The following JPH3 variants were observed in gnomAD, a reference collection of about 807,000 sequenced individuals.
The protein encoded by JPH3 is junctophilin-3.
Under a neutral mutation model 59.6 loss-of-function variants are expected in JPH3, and 11 were observed. The observed-to-expected ratio is 0.18, with a 90% confidence interval of 0.12 to 0.31. JPH3 has a LOEUF of 0.31. Ranked by LOEUF, JPH3 falls within the 10% of genes least tolerant of loss-of-function variation. The pLI is 1.00. For missense variants in JPH3, 1,202 were observed against 1,105.7 expected (o/e 1.09, Z -1.24); for synonymous variants, 673 against 483.6 (o/e 1.39, Z -5.14).
At chr16:87,670,950 C>A (rs1308063127) in intron 2 of JPH3, among the ~76,000 whole-genome samples, 2 of 152,118 alleles carry the variant, frequency 1.3e-5, no homozygotes, top group Non-Finnish European at 1.5e-5. Context: ...CCTGGCCCTC[C>A]CTGAATCAGT....
chr16:87,691,844 C>T (rs889409145), intron 4 of JPH3, among the ~76,000 whole-genome samples: 5 of 152,088 alleles, frequency 3.3e-5, no homozygotes, highest in African/African-American at 9.7e-5. Flanking sequence ...GAGATGTGTG[C>T]GTGGCTGTGC....
rs577219928 is a variant in JPH3, at chr16:87,625,488, C to T, written c.383-18770C>T. Reference sequence around the variant, plus strand: ...CCCTTGGTGCTGCACGGTCACTTGCCATTTTCGCAGAGGGGCCCCCTGAGC... The same window carrying T: ...CCCTTGGTGCTGCACGGTCACTTGCTATTTTCGCAGAGGGGCCCCCTGAGC... On this transcript the variant is annotated intron_variant, in intron 1 of 4. Transcript: ENST00000284262. Among the ~76,000 whole-genome samples, 13 of 152,318 alleles carry T rather than the reference C, an allele frequency of 8.5e-5. No individual in the cohort carries two copies. In the East Asian group the frequency reaches 1.3e-3, roughly 16 times the overall value.
chr16:87,619,403 C>T (rs1024848715), intron 1 of JPH3, among the ~76,000 whole-genome samples: 57 of 152,154 alleles, frequency 3.7e-4, no homozygotes, highest in Non-Finnish European at 4.1e-4. Context: ...GAGCCACCGG[C>T]TCCCCTGCAC....
At chr16:87,687,273 A>AG (rs1322982232) in intron 3 of JPH3, among the ~76,000 whole-genome samples, 1 of 152,148 alleles carries the variant, frequency 6.6e-6, no homozygotes, top group East Asian at 1.9e-4. Context: ...AGCCTCCAAG[A>AG]GGGGAACAGG....
At chr16:87,645,339 T>G (rs1023169990) in intron 2 of JPH3, among the ~76,000 whole-genome samples, 1 of 152,208 alleles carries the variant, frequency 6.6e-6, no homozygotes, top group African/African-American at 2.4e-5. Context: ...TATTGGTGAA[T>G]AAAGAAGGTG....
intron 2 of JPH3, among the ~76,000 whole-genome samples, chr16:87,656,002 G>C (rs1003829115): frequency 6.6e-6 from 1 of 152,262 alleles, no homozygotes; most frequent in South Asian, 2.1e-4. Flanking sequence ...GGGCACTGCT[G>C]CGTGGCAGTG....
In JPH3 at chr16:87,628,572, C is replaced by T. The variant is rs578056085; in HGVS notation, c.383-15686C>T. 3.3e-5 allele frequency among the ~76,000 whole-genome samples: 5 copies of T among 152,286 alleles called. No homozygotes were observed. The South Asian group carries it at 6.2e-4, about 19-fold the overall frequency. On this transcript the variant is annotated intron_variant, in intron 1 of 4. Transcript: ENST00000284262. ...ATGCCTGTAGGGGTCCTGGCTCAGA[C>T]GCTTACCTGACGTTAGCACCTGGGC...
At chr16:87,603,607 A>G in intron 1 of JPH3, 79 bp downstream of exon 1, 3 of 1,468,042 alleles carry the variant, frequency 2.0e-6, no homozygotes, top group Middle Eastern at 2.5e-4. Context: ...TCTCTGGGGA[A>G]GTTGAGCTGC....
At chr16:87,625,730 C>T (rs373158819) in intron 1 of JPH3, among the ~76,000 whole-genome samples, 91 of 152,192 alleles carry the variant, frequency 6.0e-4, no homozygotes, top group African/African-American at 2.1e-3. Context: ...GCACAGGGTT[C>T]AAGGGCTGAA....
chr16:87,690,125 C>A lies in JPH3; in HGVS notation c.1765C>A (p.Arg589=). 1 of 1,588,106 alleles carries A rather than the reference C, an allele frequency of 6.3e-7. No individual in the cohort carries two copies. Among genetic ancestry groups the A allele is most frequent in the Non-Finnish European group, 8.6e-7 (1 of 1,167,494 alleles). The change falls in exon 4 of 5, where the codon CGG becomes AGG. Residue 589 remains arginine (R), a synonymous_variant. Coordinates refer to ENST00000284262, the MANE Select transcript of JPH3 (RefSeq NM_020655.4). ...CGTGTTCACGTGGACTTCCCACCAC[C>A]GGGCCAGCAACCACAGCCCCGGAGG... The part of the protein sequence containing the change: ...PPVFTWTSHH[R]ASNHSPGGSR...
chr16:87,676,280 T>C (rs1245108745), intron 2 of JPH3, among the ~76,000 whole-genome samples: 4 of 152,228 alleles, frequency 2.6e-5, no homozygotes, highest in Non-Finnish European at 4.4e-5. Flanking sequence ...TATGTCCTAA[T>C]ATACAACAGT....
At chr16:87,682,349 T>TGGGG (rs754157308) in intron 2 of JPH3, among the ~76,000 whole-genome samples, 1 of 152,034 alleles carries the variant, frequency 6.6e-6, no homozygotes, top group Non-Finnish European at 1.5e-5. Flanking sequence ...ATGGCAGAGA[T>TGGGG]GGGGGGTCAG....
At chr16:87,668,161 C>T (rs772884018) in intron 2 of JPH3, among the ~76,000 whole-genome samples, 6 of 152,356 alleles carry the variant, frequency 3.9e-5, no homozygotes, top group Non-Finnish European at 8.8e-5. Context: ...CCTTCCTCTC[C>T]CTGCCCCTCC....
At chr16:87,682,397 G>A (rs1430052165) in intron 2 of JPH3, among the ~76,000 whole-genome samples, 1 of 152,146 alleles carries the variant, frequency 6.6e-6, no homozygotes, top group Non-Finnish European at 1.5e-5. Context: ...AGGTGCAGGT[G>A]TTAATCCTCA....
intron 1 of JPH3, among the ~76,000 whole-genome samples, chr16:87,610,209 ACTTG>A (rs1362603587): frequency 6.6e-6 from 1 of 152,294 alleles, no homozygotes; most frequent in African/African-American, 2.4e-5. Flanking sequence ...ACGAAGCTTC[ACTTG>A]CTTGCTTACT....
chr16:87,664,624 G>T (rs1311551292), intron 2 of JPH3, among the ~76,000 whole-genome samples: 1 of 152,114 alleles, frequency 6.6e-6, no homozygotes, highest in South Asian at 2.1e-4. Context: ...AAACTCCGTC[G>T]CAAAAAATAG....
At chr16:87,675,394 C>T (rs1450655933) in intron 2 of JPH3, among the ~76,000 whole-genome samples, 1 of 152,230 alleles carries the variant, frequency 6.6e-6, no homozygotes, top group Middle Eastern at 3.2e-3. Flanking sequence ...CCCGTCCAGC[C>T]TTCCTCTTGC....
intron 2 of JPH3, among the ~76,000 whole-genome samples, chr16:87,646,103 C>T (rs561993773): frequency 3.3e-5 from 5 of 152,236 alleles, no homozygotes; most frequent in Admixed American, 3.3e-4. Context: ...CGTTCCCCTG[C>T]GTCTTTCTGG....
chr16:87,694,363 A>G (rs542902316), intron 4 of JPH3: 1 of 152,358 alleles, frequency 6.6e-6, no homozygotes, highest in East Asian at 1.9e-4. Context: ...CATCAGGAGC[A>G]CAGCCTGGGG....
Sources: gnomAD v4.1 joint callset for allele counts (sites outside exome capture counted in the v4.1 genomes callset) on GRCh38, gnomAD v4.1.1 for gene constraint, MANE v1.5 for transcripts, NCBI Gene and HGNC (gene_info 2026-07-23, HGNC 2026-07-21) for gene names.